Variants in PTPRD observed in about 807,000 individuals in gnomAD.
PTPRD encodes protein tyrosine phosphatase receptor type D, also known as receptor-type tyrosine-protein phosphatase delta.
PTPRD carries 34 observed loss-of-function variants against 214.5 expected under a neutral mutation model. That is an observed-to-expected ratio of 0.16 (90% CI 0.12 to 0.21). The LOEUF (loss-of-function observed/expected upper bound fraction) is 0.21. Ranked by LOEUF, PTPRD falls within the 10% of genes least tolerant of loss-of-function variation. The pLI, the probability that PTPRD is intolerant of heterozygous loss-of-function variation, is 1.00. For missense variants in PTPRD, 2,545 were observed against 2,398.7 expected (o/e 1.06, Z -1.27); for synonymous variants, 1,128 against 845.7 (o/e 1.33, Z -5.79).
At chr9:8,574,276 ACT>A (rs1357827653) in intron 14 of PTPRD, among the ~76,000 whole-genome samples, 13 of 152,084 alleles carry the variant, frequency 8.5e-5, no homozygotes, top group African/African-American at 3.1e-4. Flanking sequence ...CATAATGAAC[ACT>A]CTTTGGCACT....
intron 3 of PTPRD, among the ~76,000 whole-genome samples, chr9:10,219,787 T>A (rs1322957219): frequency 6.6e-6 from 1 of 151,706 alleles, no homozygotes; most frequent in Non-Finnish European, 1.5e-5. Flanking sequence ...TAAATTGACT[T>A]TAAAAATTAT....
chr9:10,394,165 TATAC>T (rs1379068756), intron 2 of PTPRD, among the ~76,000 whole-genome samples: 129 of 144,192 alleles, frequency 8.9e-4, no homozygotes, highest in African/African-American at 3.1e-3. Flanking sequence ...TATAGATATA[TATAC>T]ATATATATCT....
Position 9,566,795 on chromosome 9 carries a change from G to A in PTPRD, c.-237+7937C>T, listed in dbSNP as rs552260162. Among the ~76,000 whole-genome samples, 9 of 152,104 alleles carry A rather than the reference G, an allele frequency of 5.9e-5. No individual in the cohort carries two copies. In the South Asian group the frequency reaches 6.2e-4, roughly 10 times the overall value. ...ACATTTGTGGAAAATATTGAAAAGC[G>A]TTTCTTCGGCCTATCTTACTTTCTT... On this transcript the variant is annotated intron_variant, in intron 8 of 45. Coordinates refer to ENST00000381196, the MANE Select transcript of PTPRD (RefSeq NM_002839.4).
intron 36 of PTPRD, among the ~76,000 whole-genome samples, chr9:8,396,743 G>A (rs1032199780): frequency 6.6e-6 from 1 of 152,092 alleles, no homozygotes; most frequent in African/African-American, 2.4e-5. Context: ...AACAGCACTT[G>A]CTTGGCTACA....
At chr9:8,711,858 G>T (rs969535328) in intron 12 of PTPRD, among the ~76,000 whole-genome samples, 1 of 152,182 alleles carries the variant, frequency 6.6e-6, no homozygotes, top group Non-Finnish European at 1.5e-5. Context: ...CTGTGATACG[G>T]ATATAATGCT....
chr9:9,913,952 A>G (rs950832138), intron 5 of PTPRD, among the ~76,000 whole-genome samples: 1 of 152,156 alleles, frequency 6.6e-6, no homozygotes, highest in Non-Finnish European at 1.5e-5. Context: ...TCATTATGAC[A>G]AGCCGACAAT....
chr9:9,286,507 CT>C (rs1241033684), intron 9 of PTPRD, among the ~76,000 whole-genome samples: 19 of 151,744 alleles, frequency 1.3e-4, no homozygotes, highest in Non-Finnish European at 1.8e-4. Flanking sequence ...ATTCACAACT[CT>C]GAGTTTTGAA....
rs1009779604 is a variant in PTPRD, at chr9:8,832,367, A to T, written c.-103-98421T>A. The stretch of plus-strand genomic sequence containing the variant: ...TTTTTGTAATCATGAAAGCAGAAAA[A>T]CAAAAAGATGTCAAATGTAAAGCAA... On this transcript the variant is annotated intron_variant, in intron 11 of 45. Coordinates refer to ENST00000381196, the MANE Select transcript of PTPRD (RefSeq NM_002839.4). Among the ~76,000 whole-genome samples the T allele has an allele frequency of 4.1e-4, 62 of 151,968 alleles. 1 individual carries two copies. The highest frequency in any genetic ancestry group is 6.6e-5 in the Admixed American group (1 of 15,236).
At chr9:9,323,261 G>C (rs868148376) in intron 9 of PTPRD, among the ~76,000 whole-genome samples, 3 of 151,916 alleles carry the variant, frequency 2.0e-5, no homozygotes, top group Middle Eastern at 6.8e-3. Flanking sequence ...ACAAAGACAA[G>C]ACTTCATATG....
At chr9:9,021,812 AC>A (rs2099570749) in intron 10 of PTPRD, among the ~76,000 whole-genome samples, 1 of 152,232 alleles carries the variant, frequency 6.6e-6, no homozygotes, top group Non-Finnish European at 1.5e-5. Context: ...GAATGATAAT[AC>A]AAAGAAATAT....
rs1483502370 is a variant in PTPRD, at chr9:8,331,683, T to A, written c.5433A>T (p.Gln1811His). 1.9e-6 allele frequency: 3 copies of A among 1,613,460 alleles called. No individual in the cohort carries two copies. The African/African-American group carries it at 4.0e-5, about 22-fold the overall frequency. The change falls in exon 44 of 46, where the codon CAA becomes CAT. Residue 1811 changes from glutamine (Q) to histidine (H), a missense_variant. Physicochemically the swap from Gln to His is conservative, Grantham distance 24. Coordinates refer to ENST00000381196, the MANE Select transcript of PTPRD (RefSeq NM_002839.4). ...RQFQFTDWPE[Q>H]GVPKSGEGFI... ...ATCCTTCTCCGGACTTTGGCACTCC[T>A]TGCTCTGGCCAGTCAGTGAACTGGA... is the stretch of plus-strand genomic sequence containing the variant.
intron 25 of PTPRD, among the ~76,000 whole-genome samples, chr9:8,498,695 A>G (rs1186823362): frequency 6.6e-6 from 1 of 152,198 alleles, no homozygotes; most frequent in Non-Finnish European, 1.5e-5. Flanking sequence ...TTGGATAATG[A>G]AAGTATTCCA....
rs1202874042 is a variant in PTPRD, at chr9:9,123,058, G to A, written c.-143+60246C>T. On this transcript the variant is annotated intron_variant, in intron 10 of 45. Coordinates refer to ENST00000381196, the MANE Select transcript of PTPRD (RefSeq NM_002839.4). Reference sequence around the variant, plus strand: ...TGTTTTAGCAAGCCTGATATCTTTGGACAGAAGGAGAAATGAGAACCGAAG... The same window carrying A: ...TGTTTTAGCAAGCCTGATATCTTTGAACAGAAGGAGAAATGAGAACCGAAG... Among the ~76,000 whole-genome samples, 6 of 152,146 alleles carry A rather than the reference G, an allele frequency of 3.9e-5. No individual in the cohort carries two copies. In the East Asian group the frequency reaches 1.2e-3, roughly 29 times the overall value.
intron 5 of PTPRD, among the ~76,000 whole-genome samples, chr9:9,850,843 A>G (rs2060425738): frequency 6.6e-6 from 1 of 151,870 alleles, no homozygotes; most frequent in East Asian, 1.9e-4. Flanking sequence ...TACCACCACC[A>G]CTCTCCACTG....
intron 11 of PTPRD, among the ~76,000 whole-genome samples, chr9:8,780,501 T>C (rs2095652172): frequency 1.3e-5 from 2 of 152,194 alleles, no homozygotes; most frequent in Admixed American, 1.3e-4. Flanking sequence ...GAGGGATTAA[T>C]TTTGCAACAC....
At chr9:9,904,185 G>T (rs563157625) in intron 5 of PTPRD, among the ~76,000 whole-genome samples, 1 of 152,162 alleles carries the variant, frequency 6.6e-6, no homozygotes, top group South Asian at 2.1e-4. Flanking sequence ...TCTAAAGCTG[G>T]AAATGTTTTT....
At chr9:9,304,322 A>C (rs1956410232) in intron 9 of PTPRD, among the ~76,000 whole-genome samples, 1 of 152,186 alleles carries the variant, frequency 6.6e-6, no homozygotes, top group Non-Finnish European at 1.5e-5. Flanking sequence ...TAAAGTGATC[A>C]TGATAATCTT....
intron 14 of PTPRD, among the ~76,000 whole-genome samples, chr9:8,624,201 C>G (rs2095928015): frequency 6.6e-6 from 1 of 151,728 alleles, no homozygotes; most frequent in African/African-American, 2.4e-5. Flanking sequence ...TAACAATAAG[C>G]ACAAATGTAA....
chr9:8,557,807 CATAT>C (rs150466637), intron 14 of PTPRD, among the ~76,000 whole-genome samples: 4,892 of 133,496 alleles, frequency 0.037, 296 homozygotes, highest in African/African-American at 0.13. Flanking sequence ...CACACACACA[CATAT>C]ATACACACAC....
Sources: allele counts gnomAD v4.1 joint callset (sites outside exome capture counted in the v4.1 genomes callset), GRCh38; gene constraint gnomAD v4.1.1; transcripts MANE v1.5; gene names NCBI Gene and HGNC (gene_info 2026-07-23, HGNC 2026-07-21).